The following DUSP22 variants were observed in gnomAD, a reference collection of about 807,000 sequenced individuals.
The protein encoded by DUSP22 is dual specificity protein phosphatase 22.
In DUSP22, 24 loss-of-function variants were observed where a neutral mutation model predicts 24.5. The ratio of observed to expected loss-of-function variants is 0.98; its 90% confidence interval spans 0.71 to 1.38. The LOEUF is 1.38. Ranked by LOEUF, DUSP22 falls within the 40% of genes most tolerant of loss-of-function variation. The pLI is 0.00. For synonymous variants in DUSP22, 160 were observed against 106.4 expected (o/e 1.50, Z -3.10); for missense variants, 330 against 269.2 (o/e 1.23, Z -1.58).
intron 4 of DUSP22, among the ~76,000 whole-genome samples, chr6:341,570 G>A (rs1230840471): frequency 6.6e-6 from 1 of 152,306 alleles, no homozygotes; most frequent in Non-Finnish European, 1.5e-5. Context: ...CTCTGGCTTG[G>A]CCTTGTGCCG....
intron 3 of DUSP22, among the ~76,000 whole-genome samples, chr6:333,746 C>A (rs1759239057): frequency 6.6e-6 from 1 of 152,302 alleles, no homozygotes; most frequent in Admixed American, 6.5e-5. Context: ...CCCCACCTGC[C>A]CCGCAAAGAG....
intron 4 of DUSP22, among the ~76,000 whole-genome samples, chr6:343,478 G>C (rs1256814996): frequency 1.3e-5 from 2 of 152,300 alleles, no homozygotes; most frequent in African/African-American, 4.8e-5. Context: ...CCAAGACGCT[G>C]TCCCTGCCTG....
At chr6:302,531 C>T (rs1757632908) in intron 1 of DUSP22, among the ~76,000 whole-genome samples, 1 of 152,304 alleles carries the variant, frequency 6.6e-6, no homozygotes, top group Admixed American at 6.5e-5. Flanking sequence ...CCAGAGTGGT[C>T]AGGTCACCTC....
intron 3 of DUSP22, among the ~76,000 whole-genome samples, chr6:324,486 C>T (rs113747527): frequency 2.0e-5 from 3 of 152,308 alleles, no homozygotes; most frequent in African/African-American, 7.2e-5. Context: ...GGGTGTCCCT[C>T]CTGGTGTTGA....
chr6:310,979 A>C (rs1278136407), intron 2 of DUSP22, among the ~76,000 whole-genome samples: 9 of 152,300 alleles, frequency 5.9e-5, no homozygotes, highest in African/African-American at 1.9e-4. Flanking sequence ...ATTTGGGCCA[A>C]GCTTGAGGAC....
intron 2 of DUSP22, among the ~76,000 whole-genome samples, chr6:311,407 G>A (rs1006105347): frequency 5.3e-5 from 8 of 152,298 alleles, no homozygotes; most frequent in Admixed American, 1.3e-4. Flanking sequence ...AAGGCCGGGC[G>A]CGGTGGCTCA....
Position 349,543 on chromosome 6 carries a change from TC to T in DUSP22, c.*595del, listed in dbSNP as rs1198087239. On this transcript the variant is annotated 3_prime_UTR_variant, in exon 7 of 7. Coordinates refer to ENST00000419235, the MANE Select transcript of DUSP22 (RefSeq NM_001286555.3). ...GACGAGTGGCTAAGAGCATGGCCTCTCCCAGAACCCACCCAGGGTGGTGTGG... is the reference window on the plus strand; with the variant it reads ...GACGAGTGGCTAAGAGCATGGCCTCTCCAGAACCCACCCAGGGTGGTGTGG... 1 of 990,054 alleles carries T rather than the reference TC, an allele frequency of 1.0e-6. No individual in the cohort carries two copies. Among genetic ancestry groups the T allele is most frequent in the East Asian group, 1.1e-4 (1 of 8,898 alleles). The allele number at this position is 990,054 out of a possible 1,614,324, so 61.3% of individuals were successfully genotyped here. A position where few individuals can be genotyped will look rare whatever the true frequency, so the allele number is the denominator to read the frequency against.
At chr6:301,153 C>G (rs1757563567) in intron 1 of DUSP22, among the ~76,000 whole-genome samples, 2 of 152,308 alleles carry the variant, frequency 1.3e-5, no homozygotes, top group Non-Finnish European at 2.9e-5. Flanking sequence ...ACCAAGACTC[C>G]CTGGGGCCAG....
chr6:302,611 G>C (rs1427090564), intron 1 of DUSP22, among the ~76,000 whole-genome samples: 1 of 152,310 alleles, frequency 6.6e-6, no homozygotes, highest in African/African-American at 2.4e-5. Flanking sequence ...TACGCTGAGT[G>C]CCCGGCATTG....
At chr6:297,136 T>C (rs1333391504) in intron 1 of DUSP22, among the ~76,000 whole-genome samples, 1 of 152,304 alleles carries the variant, frequency 6.6e-6, no homozygotes, top group Non-Finnish European at 1.5e-5. Flanking sequence ...CCTGAAGAAG[T>C]CACTTAAATG....
intron 3 of DUSP22, among the ~76,000 whole-genome samples, chr6:315,658 T>A (rs1435200511): frequency 6.6e-6 from 1 of 152,312 alleles, no homozygotes; most frequent in Non-Finnish European, 1.5e-5. Flanking sequence ...TGCTCTTCTT[T>A]CCTTTTAATT....
At chr6:328,207 G>T (rs1304405331) in intron 3 of DUSP22, among the ~76,000 whole-genome samples, 1 of 152,304 alleles carries the variant, frequency 6.6e-6, no homozygotes, top group African/African-American at 2.4e-5. Flanking sequence ...CCAAGTGACT[G>T]CTGAAACTGG....
At chr6:347,861 A>G (rs565927699) in intron 5 of DUSP22, among the ~76,000 whole-genome samples, 57 of 152,412 alleles carry the variant, frequency 3.7e-4, no homozygotes, top group Non-Finnish European at 6.5e-4. Flanking sequence ...CAGCCCATAG[A>G]AAACCAATAA....
chr6:318,859 C>T (rs113919691), intron 3 of DUSP22, among the ~76,000 whole-genome samples: 3,880 of 151,096 alleles, frequency 0.026, 2 homozygotes, highest in African/African-American at 0.063. Flanking sequence ...AAGGAATACT[C>T]GGCAGCAATT....
chr6:302,003 A>G (rs1757600111), intron 1 of DUSP22, among the ~76,000 whole-genome samples: 1 of 152,302 alleles, frequency 6.6e-6, no homozygotes, highest in African/African-American at 2.4e-5. Flanking sequence ...ATGGGCCATA[A>G]TCTGTTTTCC....
At chr6:322,558 A>G (rs1229344601) in intron 3 of DUSP22, among the ~76,000 whole-genome samples, 1 of 152,294 alleles carries the variant, frequency 6.6e-6, no homozygotes, top group African/African-American at 2.4e-5. Context: ...GAAAGGGGAG[A>G]CTAGGTGACG....
chr6:312,644 T>A (rs2127398595), intron 3 of DUSP22, among the ~76,000 whole-genome samples: 2 of 152,420 alleles, frequency 1.3e-5, no homozygotes, highest in Admixed American at 1.3e-4. Context: ...GATGTGTATG[T>A]GTTTTTCTAT....
At chr6:298,063 C>T (rs527834058) in intron 1 of DUSP22, among the ~76,000 whole-genome samples, 1 of 152,420 alleles carries the variant, frequency 6.6e-6, no homozygotes, top group South Asian at 2.1e-4. Context: ...GCAGGACTGA[C>T]AGACAGATGG....
At chr6:302,900 C>T in intron 1 of DUSP22, among the ~76,000 whole-genome samples, 1 of 152,426 alleles carries the variant, frequency 6.6e-6, no homozygotes, top group Non-Finnish European at 1.5e-5. Flanking sequence ...CTCAGGGGAA[C>T]TGGATTAGAC....
Sources: allele counts gnomAD v4.1 joint callset (sites outside exome capture counted in the v4.1 genomes callset), GRCh38; gene constraint gnomAD v4.1.1; transcripts MANE v1.5; gene names NCBI Gene and HGNC (gene_info 2026-07-23, HGNC 2026-07-21).